EFCAB13: variants seen among roughly 807,000 people sequenced by gnomAD.
EFCAB13 encodes the protein EF-hand calcium binding domain 13.
EFCAB13 carries 91 observed loss-of-function variants against 110.2 expected under a neutral mutation model. The observed-to-expected ratio is 0.83, with a 90% CI of 0.70 to 0.98. EFCAB13 has a LOEUF of 0.98. Ranked by LOEUF, EFCAB13 falls within the 50% of genes least tolerant of loss-of-function variation. The probability of loss-of-function intolerance (pLI) is 0.00; values close to 1 mark genes in which losing one functional copy is unlikely to be tolerated. For missense variants in EFCAB13, 968 were observed against 1,119.4 expected (o/e 0.86, Z 1.93); for synonymous variants, 323 against 369.9 (o/e 0.87, Z 1.45).
chr17:47,372,480 G>A (rs1220312956), intron 11 of EFCAB13, among the ~76,000 whole-genome samples: 1 of 152,076 alleles, frequency 6.6e-6, no homozygotes, highest in African/African-American at 2.4e-5. Context: ...TAAGTGAAGT[G>A]CACACCACCA....
At chr17:47,378,345 T>C (rs903939572) in intron 13 of EFCAB13, among the ~76,000 whole-genome samples, 1 of 152,168 alleles carries the variant, frequency 6.6e-6, no homozygotes, top group Non-Finnish European at 1.5e-5. Flanking sequence ...AACATTTAGA[T>C]GTTGAGTGGC....
chr17:47,397,972 G>A (rs1443872860), intron 17 of EFCAB13, among the ~76,000 whole-genome samples: 2 of 148,920 alleles, frequency 1.3e-5, no homozygotes, highest in African/African-American at 5.0e-5. Flanking sequence ...AGGTGGGGGG[G>A]TCAGCCCCCC....
Position 47,396,227 on chromosome 17 carries a change from GTGGTATGTTAC to G in EFCAB13, c.1945+254_1945+264del, listed in dbSNP as rs558944474. Among the ~76,000 whole-genome samples, 1,255 of 152,178 alleles carry G rather than the reference GTGGTATGTTAC, an allele frequency of 8.2e-3. 8 individuals are homozygous for G. The highest frequency in any genetic ancestry group is 0.013 in the Non-Finnish European group (906 of 67,984). On this transcript the variant is annotated intron_variant, in intron 17 of 24. Coordinates refer to ENST00000331493, the MANE Select transcript of EFCAB13 (RefSeq NM_152347.5). The stretch of plus-strand genomic sequence containing the variant: ...TATGCATTGAGTACCTTCAAGTTGT[GTGGTATGTTAC>G]TGGAAAATGGCATATCCCAATGAAC...
rs746275985 is a variant in EFCAB13 at position 47,374,761 on chromosome 17, A to G, written c.1167A>G (p.Ile389Met). ...AAGAACCATATTCAAAGAATGGCAT[A>G]AACTTTAAAAAACATTCAGAGAAGG... is the stretch of plus-strand genomic sequence containing the variant. ...GVQEPYSKNG[I>M]NFKKHSEKGE... is the part of the protein sequence containing the mutation. The change falls in exon 12 of 25, where the codon ATA becomes ATG. Residue 389 changes from isoleucine (I) to methionine (M), a missense_variant. Ile to Met is a conservative substitution (Grantham distance 10, BLOSUM62 1). Coordinates refer to ENST00000331493, the MANE Select transcript of EFCAB13 (RefSeq NM_152347.5). The G allele has an allele frequency of 6.2e-7, 1 of 1,614,112 alleles. No homozygotes were observed. The highest frequency in any genetic ancestry group is 8.5e-7 in the Non-Finnish European group (1 of 1,179,992).
chr17:47,359,131 G>A (rs1419527691), intron 9 of EFCAB13, among the ~76,000 whole-genome samples: 3 of 152,070 alleles, frequency 2.0e-5, no homozygotes, highest in Admixed American at 6.6e-5. Flanking sequence ...CCAGGAGTTC[G>A]AGACCAGCCT....
intron 24 of EFCAB13, among the ~76,000 whole-genome samples, chr17:47,432,438 A>ATAAT (rs1905135993): frequency 6.7e-6 from 1 of 148,770 alleles, no homozygotes; most frequent in Non-Finnish European, 1.5e-5. Flanking sequence ...AAATAAATAA[A>ATAAT]TAAATTAGCT....
chr17:47,396,892 A>G (rs1455185342), intron 17 of EFCAB13, among the ~76,000 whole-genome samples: 1 of 152,204 alleles, frequency 6.6e-6, no homozygotes, highest in East Asian at 1.9e-4. Flanking sequence ...GCAGTGCTTC[A>G]GGTTCTTTTG....
intron 23 of EFCAB13, among the ~76,000 whole-genome samples, chr17:47,419,237 AAG>A (rs1198839820): frequency 6.6e-6 from 1 of 152,198 alleles, no homozygotes; most frequent in Non-Finnish European, 1.5e-5. Flanking sequence ...ACCAACTACA[AAG>A]AGAAAATCCT....
At chr17:47,392,879 A>G (rs117686556) in intron 15 of EFCAB13, among the ~76,000 whole-genome samples, 3,446 of 152,320 alleles carry the variant, frequency 0.023, 108 homozygotes, top group East Asian at 0.18. Flanking sequence ...TAAAAGATAC[A>G]ACAAAGAGAA....
intron 10 of EFCAB13, among the ~76,000 whole-genome samples, chr17:47,364,399 C>T (rs1227330187): frequency 3.3e-5 from 5 of 149,638 alleles, no homozygotes; most frequent in African/African-American, 1.2e-4. Context: ...CTGCAACCTC[C>T]GACTCCCTGG....
intron 23 of EFCAB13, chr17:47,423,320 TTTACA>T (rs956829978): frequency 1.3e-5 from 2 of 152,734 alleles, no homozygotes; most frequent in African/African-American, 2.4e-5. Context: ...TTGTTGGCTA[TTTACA>T]TTAAGATATT....
At position 47,341,995 on chromosome 17, in the gene EFCAB13, A is replaced by G. The variant is rs765418979; in HGVS notation, c.266A>G (p.Lys89Arg). 6 of 1,602,090 alleles carry G rather than the reference A, an allele frequency of 3.7e-6. No individual in the cohort carries two copies. Among genetic ancestry groups the G allele is most frequent in the Non-Finnish European group, 4.3e-6 (5 of 1,175,036 alleles). ...DFSGEKKVGR[K>R]SLQVQQHSKR... ...TCAGGAGAAAAAAAAGTTGGGAGAA[A>G]GAGTTTACAAGTACAACAGCACAGT... Residue 89 changes from lysine to arginine, a missense_variant, in exon 6 of 25, where the codon AAG becomes AGG. Coordinates refer to ENST00000331493, the MANE Select transcript of EFCAB13 (RefSeq NM_152347.5).
At chr17:47,376,340 G>C (rs1870898731) in intron 12 of EFCAB13, among the ~76,000 whole-genome samples, 1 of 127,066 alleles carries the variant, frequency 7.9e-6, no homozygotes, top group African/African-American at 2.8e-5. Flanking sequence ...TTAAAACCTT[G>C]GTTAAAGGAA....
intron 9 of EFCAB13, among the ~76,000 whole-genome samples, chr17:47,358,315 C>G (rs2065492427): frequency 6.6e-6 from 1 of 151,920 alleles, no homozygotes; most frequent in African/African-American, 2.4e-5. Context: ...AAGAGACTCC[C>G]TAGAGAAAAA....
chr17:47,396,478 G>C (rs1023883793), intron 17 of EFCAB13, among the ~76,000 whole-genome samples: 11 of 151,736 alleles, frequency 7.2e-5, no homozygotes, highest in African/African-American at 2.7e-4. Flanking sequence ...AAAGACTATA[G>C]ACTAAAAAAT....
intron 17 of EFCAB13, among the ~76,000 whole-genome samples, chr17:47,400,828 G>A (rs2065775011): frequency 6.6e-6 from 1 of 152,188 alleles, no homozygotes; most frequent in Non-Finnish European, 1.5e-5. Context: ...ACTTTAAGCT[G>A]AGCTTTAAGC....
At chr17:47,427,522 A>C (rs1905000937) in intron 23 of EFCAB13, among the ~76,000 whole-genome samples, 1 of 151,982 alleles carries the variant, frequency 6.6e-6, no homozygotes, top group Non-Finnish European at 1.5e-5. Flanking sequence ...CCTTTTTTTA[A>C]AGAAGAGAAC....
chr17:47,378,604 A>C (rs1268241436), intron 13 of EFCAB13, among the ~76,000 whole-genome samples: 2 of 152,180 alleles, frequency 1.3e-5, no homozygotes, highest in Non-Finnish European at 2.9e-5. Context: ...AATTATATAA[A>C]GAGTGGGTGG....
intron 12 of EFCAB13, among the ~76,000 whole-genome samples, chr17:47,376,082 T>A (rs1283919217): frequency 6.6e-6 from 1 of 152,200 alleles, no homozygotes; most frequent in Non-Finnish European, 1.5e-5. Context: ...TAAGTCATAT[T>A]TATTCTCTTT....
Sources: gnomAD v4.1 joint callset for allele counts (sites outside exome capture counted in the v4.1 genomes callset) on GRCh38, gnomAD v4.1.1 for gene constraint, MANE v1.5 for transcripts, NCBI Gene and HGNC (gene_info 2026-07-23, HGNC 2026-07-21) for gene names.